Variants in NEGR1 observed in about 807,000 individuals in gnomAD.
The protein encoded by NEGR1 is IgLON family member 4.
A neutral mutation model predicts 40.9 loss-of-function variants in NEGR1; 10 were observed. The ratio of observed to expected loss-of-function variants is 0.24; its 90% CI spans 0.15 to 0.42. The LOEUF (loss-of-function observed/expected upper bound fraction) is 0.42, where lower values mean the gene tolerates loss of function less well. Among genes scored for constraint, NEGR1 ranks in the 10% least tolerant of loss-of-function variants. The pLI is 1.00. For missense variants in NEGR1, 352 were observed against 438.9 expected, an observed-to-expected ratio of 0.80 and a Z score of 1.77; for synonymous variants, 185 against 166.8, an observed-to-expected ratio of 1.11 and a Z score of -0.84.
At chr1:72,106,448 GT>G (rs1649136524) in intron 1 of NEGR1, among the ~76,000 whole-genome samples, 1 of 151,890 alleles carries the variant, frequency 6.6e-6, no homozygotes, top group Non-Finnish European at 1.5e-5. Flanking sequence ...AAAAACTTCA[GT>G]AGATATTGCT....
At chr1:71,420,862 T>C (rs1646389524) in intron 6 of NEGR1, among the ~76,000 whole-genome samples, 1 of 152,060 alleles carries the variant, frequency 6.6e-6, no homozygotes, top group Admixed American at 6.5e-5. Context: ...CTAAATATAA[T>C]ATGATCAAAA....
At chr1:71,665,757 C>T (rs1216711011) in intron 4 of NEGR1, among the ~76,000 whole-genome samples, 3 of 152,096 alleles carry the variant, frequency 2.0e-5, no homozygotes, top group Non-Finnish European at 2.9e-5. Flanking sequence ...ATTATAGCTT[C>T]CTAAAGCCTT....
chr1:71,884,499 G>A (rs1034030451), intron 2 of NEGR1, among the ~76,000 whole-genome samples: 5 of 152,154 alleles, frequency 3.3e-5, no homozygotes, highest in Non-Finnish European at 7.4e-5. Context: ...AAAAGCAAAT[G>A]CACAAATTAT....
chr1:71,539,028 A>C (rs12741572), intron 6 of NEGR1, among the ~76,000 whole-genome samples: 3,795 of 151,842 alleles, frequency 0.025, 81 homozygotes, highest in Non-Finnish European at 0.04. Context: ...GGTTTAGCAT[A>C]GTGGTTGATA....
intron 1 of NEGR1, among the ~76,000 whole-genome samples, chr1:72,256,321 C>T (rs915057606): frequency 1.2e-4 from 18 of 152,184 alleles, no homozygotes; most frequent in Admixed American, 3.9e-4. Context: ...CAATGCTCAT[C>T]CAGCTGGAGA....
chr1:72,113,327 A>G (rs1288563123), intron 1 of NEGR1, among the ~76,000 whole-genome samples: 1 of 151,768 alleles, frequency 6.6e-6, no homozygotes. Context: ...AAATCAGAAA[A>G]GCAAATACAG....
At chr1:71,764,723 C>G (rs1263336343) in intron 3 of NEGR1, among the ~76,000 whole-genome samples, 1 of 152,132 alleles carries the variant, frequency 6.6e-6, no homozygotes, top group African/African-American at 2.4e-5. Context: ...AAAAGCTGAT[C>G]CTCTTACAAC....
intron 2 of NEGR1, among the ~76,000 whole-genome samples, chr1:71,899,771 G>C (rs1661095657): frequency 6.6e-6 from 1 of 151,932 alleles, no homozygotes; most frequent in Non-Finnish European, 1.5e-5. Context: ...CTCATGGCAG[G>C]CTTATTTAAT....
chr1:71,748,909 A>G (rs913965224), intron 3 of NEGR1, among the ~76,000 whole-genome samples: 1 of 152,162 alleles, frequency 6.6e-6, no homozygotes, highest in African/African-American at 2.4e-5. Flanking sequence ...AAAGAAAATT[A>G]TCTGAAGAAA....
chr1:72,219,129 T>C (rs1213426629), intron 1 of NEGR1, among the ~76,000 whole-genome samples: 1 of 152,080 alleles, frequency 6.6e-6, no homozygotes, highest in Admixed American at 6.6e-5. Flanking sequence ...ATGATGGCCT[T>C]GATGGTGACA....
chr1:71,798,494 T>A (rs904995141), intron 2 of NEGR1, among the ~76,000 whole-genome samples: 8 of 152,226 alleles, frequency 5.3e-5, no homozygotes, highest in African/African-American at 1.4e-4. Flanking sequence ...ATTAATTATA[T>A]CTTCACTGTG....
chr1:72,278,834 A>G (rs1656150887), intron 1 of NEGR1, among the ~76,000 whole-genome samples: 1 of 152,188 alleles, frequency 6.6e-6, no homozygotes, highest in South Asian at 2.1e-4. Context: ...ATTAAAGTCT[A>G]TATTTAATAA....
intron 1 of NEGR1, among the ~76,000 whole-genome samples, chr1:71,967,308 C>T (rs1646218011): frequency 6.6e-6 from 1 of 152,128 alleles, no homozygotes; most frequent in African/African-American, 2.4e-5. Flanking sequence ...TGTTCTTCCT[C>T]ATAGTAAGCA....
chr1:71,718,169 A>C (rs973604378), intron 3 of NEGR1, among the ~76,000 whole-genome samples: 19 of 152,210 alleles, frequency 1.2e-4, no homozygotes, highest in African/African-American at 4.6e-4. Context: ...TCCTAATCTC[A>C]TGTTGAATTG....
intron 6 of NEGR1, among the ~76,000 whole-genome samples, chr1:71,441,612 T>C (rs532088629): frequency 6.6e-6 from 1 of 152,110 alleles, no homozygotes; most frequent in Non-Finnish European, 1.5e-5. Flanking sequence ...TCATCAAGGG[T>C]TTTTAAAATC....
chr1:72,021,310 A>AT (rs1200153298), intron 1 of NEGR1, among the ~76,000 whole-genome samples: 1 of 152,152 alleles, frequency 6.6e-6, no homozygotes, highest in Non-Finnish European at 1.5e-5. Context: ...TAATCATATT[A>AT]TATCATAACA....
chr1:71,757,816 T>A (rs949586612), intron 3 of NEGR1, among the ~76,000 whole-genome samples: 6 of 152,114 alleles, frequency 3.9e-5, no homozygotes, highest in Admixed American at 1.3e-4. Flanking sequence ...AGGGCAATCA[T>A]TAACTTGCAT....
chr1:71,590,900 AC>A (rs1649476476), intron 6 of NEGR1, among the ~76,000 whole-genome samples: 1 of 151,978 alleles, frequency 6.6e-6, no homozygotes, highest in Non-Finnish European at 1.5e-5. Context: ...CTAAAGATTT[AC>A]TCCTTGCTTA....
intron 1 of NEGR1, among the ~76,000 whole-genome samples, chr1:71,937,233 A>C (rs954026448): frequency 2.0e-5 from 3 of 152,210 alleles, no homozygotes; most frequent in African/African-American, 7.2e-5. Flanking sequence ...TTATGTATTT[A>C]ATAAAGAAAA....
Sources: allele counts gnomAD v4.1 joint callset (sites outside exome capture counted in the v4.1 genomes callset), GRCh38; gene constraint gnomAD v4.1.1; transcripts MANE v1.5; gene names NCBI Gene and HGNC (gene_info 2026-07-23, HGNC 2026-07-21).